MTMR8: variants seen among roughly 807,000 people sequenced by gnomAD.
MTMR8 encodes myotubularin related protein 8, also known as phosphatidylinositol-3,5-bisphosphate 3-phosphatase MTMR8.
In MTMR8, 65 loss-of-function variants were observed where a neutral mutation model predicts 39.3. The observed-to-expected ratio is 1.65, with a 90% CI of 1.35 to 2.03. The LOEUF (loss-of-function observed/expected upper bound fraction) is 2.03. MTMR8 is among the 30% of genes most tolerant of loss of function. The pLI is 0.00. For synonymous variants in MTMR8, 245 were observed against 185.2 expected (o/e 1.32, Z -2.62); for missense variants, 777 against 538.9 (o/e 1.44, Z -4.37).
chrX:64,307,726 CA>C (rs781045932), intron 12 of MTMR8, among the ~76,000 whole-genome samples: 1 of 111,173 alleles, frequency 9.0e-6, no homozygotes, highest in African/African-American at 3.3e-5. Context: ...ACTACATCTC[CA>C]AAAAAAATCT....
At chrX:64,351,925 A>T (rs1285345678) in intron 4 of MTMR8, among the ~76,000 whole-genome samples, 1 of 110,925 alleles carries the variant, frequency 9.0e-6, no homozygotes, top group Non-Finnish European at 1.9e-5. Flanking sequence ...ACTGACTCAA[A>T]GGTTAATCTC....
At chrX:64,295,747 C>T (rs1921555067) in intron 12 of MTMR8, among the ~76,000 whole-genome samples, 1 of 111,009 alleles carries the variant, frequency 9.0e-6, no homozygotes, top group South Asian at 3.8e-4. Context: ...CAAATCGAAA[C>T]CACGAGATAC....
intron 12 of MTMR8, among the ~76,000 whole-genome samples, chrX:64,297,422 G>T (rs747142752): frequency 1.0e-5 from 1 of 97,927 alleles, no homozygotes; most frequent in South Asian, 5.3e-4. Flanking sequence ...ACTTTTTGAT[G>T]GGGTTGTTTG....
intron 1 of MTMR8, among the ~76,000 whole-genome samples, chrX:64,380,397 T>C (rs987382467): frequency 3.6e-5 from 4 of 112,642 alleles, no homozygotes; most frequent in Non-Finnish European, 7.5e-5. Context: ...CCAGGGGAGA[T>C]TTAACAAAAC....
At chrX:64,284,996 G>A (rs1182392182) in intron 12 of MTMR8, among the ~76,000 whole-genome samples, 4 of 111,721 alleles carry the variant, frequency 3.6e-5, no homozygotes, top group African/African-American at 1.3e-4. Context: ...AATGTAAATG[G>A]GCTAAATGCT....
chrX:64,342,787 C>G (rs757524653), intron 8 of MTMR8, among the ~76,000 whole-genome samples: 18 of 112,123 alleles, frequency 1.6e-4, no homozygotes, highest in Admixed American at 5.7e-4. Context: ...ACATTGCCTT[C>G]AACTGAGAAA....
At chrX:64,380,480 G>A (rs1050371688) in intron 1 of MTMR8, among the ~76,000 whole-genome samples, 1 of 112,487 alleles carries the variant, frequency 8.9e-6, no homozygotes. Flanking sequence ...TAAGCTCCAT[G>A]GGTGATTCCA....
chrX:64,356,120 A>G, intron 3 of MTMR8, 56 bp downstream of exon 3: 3 of 1,118,183 alleles, frequency 2.7e-6, no homozygotes, highest in Non-Finnish European at 3.6e-6. Flanking sequence ...TCTTTCCATT[A>G]TGCCATTTTG....
chrX:64,357,704 A>G (rs995485055), intron 2 of MTMR8, among the ~76,000 whole-genome samples: 3 of 112,139 alleles, frequency 2.7e-5, no homozygotes, highest in African/African-American at 9.7e-5. Context: ...CTGGGATCAC[A>G]GGTATAATTA....
intron 1 of MTMR8, chrX:64,360,390 C>CAAAAA: frequency 5.2e-6 from 1 of 191,140 alleles, no homozygotes; most frequent in Non-Finnish European, 9.3e-6. Flanking sequence ...TCAAGCAGAC[C>CAAAAA]AAAAAAAAAA....
At chrX:64,286,930 C>G (rs1274167710) in intron 12 of MTMR8, among the ~76,000 whole-genome samples, 1 of 111,571 alleles carries the variant, frequency 9.0e-6, no homozygotes, top group Non-Finnish European at 1.9e-5. Context: ...TCTCACCACT[C>G]CTATTCAACA....
chrX:64,282,422 G>A (rs1410715934), intron 12 of MTMR8, among the ~76,000 whole-genome samples: 3 of 110,646 alleles, frequency 2.7e-5, no homozygotes, highest in South Asian at 7.7e-4. Context: ...AGGTTGATAG[G>A]TGCAGCAAAC....
At chrX:64,279,680 A>C (rs908120040) in intron 12 of MTMR8, among the ~76,000 whole-genome samples, 2 of 112,005 alleles carry the variant, frequency 1.8e-5, no homozygotes, top group Non-Finnish European at 3.8e-5. Context: ...TAGCAAAAAC[A>C]ATCTTGAAAA....
At chrX:64,297,708 G>T (rs1395068879) in intron 12 of MTMR8, among the ~76,000 whole-genome samples, 1 of 106,019 alleles carries the variant, frequency 9.4e-6, no homozygotes, top group East Asian at 3.0e-4. Flanking sequence ...GGTTTTTATG[G>T]TTTTAGGTCT....
At chrX:64,338,060 T>C (rs1273231991) in intron 8 of MTMR8, among the ~76,000 whole-genome samples, 1 of 111,836 alleles carries the variant, frequency 8.9e-6, no homozygotes, top group Non-Finnish European at 1.9e-5. Context: ...CGAAAATAAA[T>C]AAATAATTAA....
In MTMR8 at chrX:64,333,112, C is replaced by T. The variant is rs1480434143; in HGVS notation, c.1152-1355G>A. Among the ~76,000 whole-genome samples the T allele has an allele frequency of 1.8e-5, 2 of 111,992 alleles. 1 individual carries two copies. The highest frequency in any genetic ancestry group is 3.8e-5 in the Non-Finnish European group (2 of 53,216). On this transcript the variant is annotated intron_variant, in intron 10 of 13. Transcript: ENST00000374852. ...TCAGCCTGAAAAGCTATGTTCTCTG[C>T]TTCCACATCCTGACTGATTAATAAT...
At chrX:64,367,757 C>T (rs1484741700) in intron 1 of MTMR8, among the ~76,000 whole-genome samples, 21 of 111,358 alleles carry the variant, frequency 1.9e-4, no homozygotes, top group African/African-American at 6.9e-4. Context: ...AAGTTCTGGC[C>T]AGGGCAATCA....
At chrX:64,360,572 A>G (rs1360676114) in intron 1 of MTMR8, among the ~76,000 whole-genome samples, 1 of 110,896 alleles carries the variant, frequency 9.0e-6, no homozygotes, top group African/African-American at 3.3e-5. Flanking sequence ...ATAAATTCCA[A>G]ACGTTCAATA....
intron 1 of MTMR8, among the ~76,000 whole-genome samples, chrX:64,390,274 A>G (rs1436900200): frequency 1.8e-5 from 2 of 112,334 alleles, no homozygotes; most frequent in Non-Finnish European, 1.9e-5. Context: ...AAAGCTTCAT[A>G]CAAATTGTAA....
Sources: gnomAD v4.1 joint callset for allele counts (sites outside exome capture counted in the v4.1 genomes callset) on GRCh38, gnomAD v4.1.1 for gene constraint, MANE v1.5 for transcripts, NCBI Gene and HGNC (gene_info 2026-07-23, HGNC 2026-07-21) for gene names.